The following ANK3 variants were observed in gnomAD, a reference collection of about 807,000 sequenced individuals.
ANK3 encodes ankyrin-3.
Under a neutral mutation model 370.9 loss-of-function variants are expected in ANK3, and 57 were observed. The observed-to-expected ratio is 0.15, with a 90% CI of 0.12 to 0.19. The LOEUF (loss-of-function observed/expected upper bound fraction) is 0.19, where lower values mean the gene tolerates loss of function less well. Ranked by LOEUF, ANK3 falls within the 10% of genes least tolerant of loss-of-function variation. The probability of loss-of-function intolerance (pLI) is 1.00; values close to 1 mark genes in which losing one functional copy is unlikely to be tolerated. For missense variants in ANK3, 4,439 were observed against 5,302.1 expected, an observed-to-expected ratio of 0.84 and a Z score of 5.06; for synonymous variants, 1,929 against 1,946.3, an observed-to-expected ratio of 0.99 and a Z score of 0.23.
chr10:60,543,201 T>C (rs2076888470), intron 2 of ANK3, among the ~76,000 whole-genome samples: 1 of 152,030 alleles, frequency 6.6e-6, no homozygotes, highest in Admixed American at 6.6e-5. Flanking sequence ...ATGTCCCATA[T>C]ATGACTGAGA....
chr10:60,113,896 G>T (rs986576060), intron 26 of ANK3, among the ~76,000 whole-genome samples: 1 of 151,978 alleles, frequency 6.6e-6, no homozygotes, highest in African/African-American at 2.4e-5. Context: ...AAATCATTAT[G>T]TTTCAAATTT....
chr10:60,556,388 G>T (rs184392673), intron 2 of ANK3, among the ~76,000 whole-genome samples: 39 of 152,144 alleles, frequency 2.6e-4, no homozygotes, highest in African/African-American at 9.4e-4. Context: ...AACAGGAATT[G>T]CAAGTCTTCT....
At chr10:60,259,920 G>A (rs2097780613) in intron 7 of ANK3, among the ~76,000 whole-genome samples, 1 of 152,180 alleles carries the variant, frequency 6.6e-6, no homozygotes, top group African/African-American at 2.4e-5. Flanking sequence ...GTCCTTCAAA[G>A]TGTCAAACTA....
chr10:60,415,232 T>C (rs946489839), intron 2 of ANK3, among the ~76,000 whole-genome samples: 15 of 152,142 alleles, frequency 9.9e-5, no homozygotes, highest in Admixed American at 6.5e-5. Flanking sequence ...AAATCCTGCC[T>C]ACAAGGACTT....
At chr10:60,174,345 A>T (rs1262849967) in intron 18 of ANK3, among the ~76,000 whole-genome samples, 1 of 152,178 alleles carries the variant, frequency 6.6e-6, no homozygotes, top group Non-Finnish European at 1.5e-5. Context: ...TAGGAAACTG[A>T]CTTACAACCT....
intron 18 of ANK3, among the ~76,000 whole-genome samples, chr10:60,180,984 T>C (rs2096160777): frequency 2.0e-5 from 3 of 152,188 alleles, no homozygotes; most frequent in Admixed American, 2.0e-4. Context: ...TTTTTCTATT[T>C]GTCTATTTGT....
At position 60,157,886 on chromosome 10, in the gene ANK3, AAGAGAGAGAGAGAG is replaced by A. The variant is rs59965251; in HGVS notation, c.2614+8691_2614+8704del. The stretch of plus-strand genomic sequence containing the variant: ...GGAGAGACAGAGAGAGAGAGAGAAA[AAGAGAGAGAGAGAG>A]AGAGAGAGAGAGAGAGAGAGAGAGG... On this transcript the variant is annotated intron_variant, in intron 23 of 43. Transcript: ENST00000280772. Among the ~76,000 whole-genome samples, 765 of 132,862 alleles carry A rather than the reference AAGAGAGAGAGAGAG, an allele frequency of 5.8e-3. 7 individuals are homozygous for A. The highest frequency in any genetic ancestry group is 0.02 in the African/African-American group (705 of 35,224). 87.2% of individuals were successfully genotyped at this position (132,862 alleles called of 152,430 possible).
intron 2 of ANK3, among the ~76,000 whole-genome samples, chr10:60,485,467 A>G (rs2075325444): frequency 1.3e-5 from 2 of 152,208 alleles, no homozygotes; most frequent in African/African-American, 2.4e-5. Context: ...GAAGGCTTTA[A>G]CAATGTGATC....
chr10:60,066,909 C>A (rs2081759009), intron 38 of ANK3, among the ~76,000 whole-genome samples: 1 of 152,122 alleles, frequency 6.6e-6, no homozygotes, highest in Non-Finnish European at 1.5e-5. Context: ...TATGAAATCT[C>A]ATCATCTTTT....
At chr10:60,217,186 C>T (rs938875376) in intron 8 of ANK3, among the ~76,000 whole-genome samples, 1 of 151,896 alleles carries the variant, frequency 6.6e-6, no homozygotes, top group African/African-American at 2.4e-5. Context: ...AGTGGTCTAT[C>T]CATATTGTTA....
intron 28 of ANK3, among the ~76,000 whole-genome samples, chr10:60,105,025 G>A (rs576631661): frequency 1.3e-5 from 2 of 152,226 alleles, no homozygotes; most frequent in East Asian, 1.9e-4. Context: ...ACTATGCTGA[G>A]TGCATTCCAA....
intron 38 of ANK3, among the ~76,000 whole-genome samples, chr10:60,064,769 G>C (rs1276345934): frequency 6.6e-6 from 1 of 152,220 alleles, no homozygotes. Context: ...AGGAGGCTGA[G>C]TTGGATCACT....
chr10:60,476,216 C>G (rs563359841), intron 2 of ANK3, among the ~76,000 whole-genome samples: 30 of 152,114 alleles, frequency 2.0e-4, no homozygotes, highest in Non-Finnish European at 4.0e-4. Context: ...AATGAAGTTC[C>G]AAATTTTTTC....
intron 1 of ANK3, among the ~76,000 whole-genome samples, chr10:60,648,231 C>A (rs1424214990): frequency 1.3e-5 from 2 of 148,732 alleles, no homozygotes; most frequent in African/African-American, 5.0e-5. Flanking sequence ...CAGCTCACTG[C>A]AAGCTCCACC....
rs962155381 is a variant in ANK3, at chr10:60,059,254, A to C, written c.12686+86T>G. 2.6e-5 allele frequency: 30 copies of C among 1,142,222 alleles called. No homozygotes were observed. The African/African-American group carries it at 3.7e-4, about 14-fold the overall frequency. 70.8% of individuals were successfully genotyped at this position (1,142,222 alleles called of 1,614,324 possible). A position where few individuals can be genotyped will look rare whatever the true frequency, so the allele number is the denominator to read the frequency against. Reference sequence around the variant, plus strand: ...CCCAGAACTAGAATGGTAATTTAGAAGAAGTCACCACTAAAAAGCATGTAT... The same window carrying C: ...CCCAGAACTAGAATGGTAATTTAGACGAAGTCACCACTAAAAAGCATGTAT... On this transcript the variant is annotated intron_variant, in intron 41 of 43. Coordinates refer to ENST00000280772, the MANE Select transcript of ANK3 (RefSeq NM_020987.5).
At chr10:60,054,487 C>T (rs1199529205) in intron 42 of ANK3, among the ~76,000 whole-genome samples, 1 of 152,022 alleles carries the variant, frequency 6.6e-6, no homozygotes, top group Non-Finnish European at 1.5e-5. Flanking sequence ...ATTACCACCA[C>T]CAAATCTTAT....
intron 1 of ANK3, among the ~76,000 whole-genome samples, chr10:60,383,507 C>T (rs2061829503): frequency 6.6e-6 from 1 of 152,142 alleles, no homozygotes; most frequent in Non-Finnish European, 1.5e-5. Context: ...TTAATCATTA[C>T]ATGATACTGC....
At chr10:60,446,982 G>A (rs536615205) in intron 2 of ANK3, among the ~76,000 whole-genome samples, 1 of 152,148 alleles carries the variant, frequency 6.6e-6, no homozygotes, top group Non-Finnish European at 1.5e-5. Flanking sequence ...GGAAGTGTCT[G>A]CTTAAAATAC....
In ANK3 at chr10:60,521,010, C is replaced by T. The variant is rs955258751; in HGVS notation, c.96+94176G>A. On this transcript the variant is annotated intron_variant, in intron 2 of 43. Transcript: ENST00000373827. Reference sequence around the variant, plus strand: ...GAGTACTGTTTCAGCAGCCAACCAGCCATTATAATCTAGAAAATCTGTTAT... The same window carrying T: ...GAGTACTGTTTCAGCAGCCAACCAGTCATTATAATCTAGAAAATCTGTTAT... 3.3e-5 allele frequency among the ~76,000 whole-genome samples: 5 copies of T among 151,726 alleles called. No individual in the cohort carries two copies. The East Asian group carries it at 7.7e-4, about 23-fold the overall frequency.
Sources: allele counts gnomAD v4.1 joint callset (sites outside exome capture counted in the v4.1 genomes callset), GRCh38; gene constraint gnomAD v4.1.1; transcripts MANE v1.5; gene names NCBI Gene and HGNC (gene_info 2026-07-23, HGNC 2026-07-21).